ARHGAP20: variants seen among roughly 807,000 people sequenced by gnomAD.
The protein encoded by ARHGAP20 is rho GTPase-activating protein 20.
In ARHGAP20, 34 loss-of-function variants were observed where a neutral mutation model predicts 73.7. That is an observed-to-expected ratio of 0.46 (90% CI 0.35 to 0.61). The LOEUF is 0.61. Among genes scored for constraint, ARHGAP20 ranks in the 20% least tolerant of loss-of-function variants. The pLI is 0.00. For missense variants in ARHGAP20, 1,314 were observed against 1,420.9 expected (o/e 0.92, Z 1.21); for synonymous variants, 523 against 518.2 (o/e 1.01, Z -0.13).
chr11:110,667,867 T>C (rs2135059896), intron 2 of ARHGAP20, among the ~76,000 whole-genome samples: 1 of 152,230 alleles, frequency 6.6e-6, no homozygotes, highest in African/African-American at 2.4e-5. Flanking sequence ...TAATTAGAAG[T>C]GGAGCCAGAA....
chr11:110,676,980 A>G (rs1178996623), intron 2 of ARHGAP20, among the ~76,000 whole-genome samples: 1 of 152,192 alleles, frequency 6.6e-6, no homozygotes, highest in Non-Finnish European at 1.5e-5. Flanking sequence ...GATTCAATGT[A>G]TAGAAATTAT....
At chr11:110,634,280 G>GT (rs960238603) in intron 2 of ARHGAP20, among the ~76,000 whole-genome samples, 6 of 152,040 alleles carry the variant, frequency 3.9e-5, no homozygotes, top group Admixed American at 2.0e-4. Flanking sequence ...AACTCTTGTT[G>GT]TTTTTTTAGC....
At position 110,685,087 on chromosome 11, in the gene ARHGAP20, C is replaced by T. The variant is rs528387450; in HGVS notation, c.188+5460G>A. Among the ~76,000 whole-genome samples, 7 of 151,884 alleles carry T rather than the reference C, an allele frequency of 4.6e-5. 1 individual carries two copies. The highest frequency in any genetic ancestry group is 2.1e-4 in the South Asian group (1 of 4,802). ...AAAATGAAGTTGAGGCTTTTATCACCGAAAAATTATATGAAACAATAAAAT... is the reference window on the plus strand; with the variant it reads ...AAAATGAAGTTGAGGCTTTTATCACTGAAAAATTATATGAAACAATAAAAT... On this transcript the variant is annotated intron_variant, in intron 2 of 14. Coordinates refer to ENST00000683387, the MANE Select transcript of ARHGAP20 (RefSeq NM_001384657.1).
chr11:110,703,738 T>G (rs1241703814), intron 1 of ARHGAP20, among the ~76,000 whole-genome samples: 2 of 152,110 alleles, frequency 1.3e-5, no homozygotes, highest in Non-Finnish European at 2.9e-5. Context: ...GTTGGCTAGA[T>G]TTTTCTTCTT....
chr11:110,669,128 ATTTAAAACTTGGCTC>A (rs1443680394), intron 2 of ARHGAP20, among the ~76,000 whole-genome samples: 1 of 152,212 alleles, frequency 6.6e-6, no homozygotes, highest in Non-Finnish European at 1.5e-5. Flanking sequence ...CTTCATTAAA[ATTTAAAACTTGGCTC>A]TTTGAAAAAC....
chr11:110,657,900 A>T (rs1333581383), intron 2 of ARHGAP20, among the ~76,000 whole-genome samples: 1 of 145,432 alleles, frequency 6.9e-6, no homozygotes. Flanking sequence ...GACAAAAAAA[A>T]AAAGAAAGAA....
rs201767119 is a variant in ARHGAP20 at position 110,594,805 on chromosome 11, C to G, written c.965-2650G>C. On this transcript the variant is annotated intron_variant, in intron 9 of 14. Transcript: ENST00000683387. Reference sequence around the variant, plus strand: ...CTCATTTTATGAGGCCAGCATCATCCTGATACCAAAGCCTGGCAGAGACAC... The same window carrying G: ...CTCATTTTATGAGGCCAGCATCATCGTGATACCAAAGCCTGGCAGAGACAC... Among the ~76,000 whole-genome samples, 71 of 149,948 alleles carry G rather than the reference C, an allele frequency of 4.7e-4. 1 individual carries two copies. In the East Asian group the frequency reaches 0.013, roughly 27 times the overall value.
intron 9 of ARHGAP20, among the ~76,000 whole-genome samples, chr11:110,606,157 C>T (rs1211470343): frequency 1.3e-5 from 2 of 152,116 alleles, no homozygotes; most frequent in East Asian, 1.9e-4. Flanking sequence ...AACTAGAATC[C>T]AGGTAGGGCA....
chr11:110,641,088 A>G (rs10891153), intron 2 of ARHGAP20, among the ~76,000 whole-genome samples: 24,686 of 152,002 alleles, frequency 0.16, 2,458 homozygotes, highest in East Asian at 0.31. Context: ...CAAGAAATAT[A>G]TAAAGGAGCA....
rs763325799 is a variant in ARHGAP20 at position 110,580,475 on chromosome 11, G to A, written c.2471C>T (p.Thr824Ile). 1 of 1,614,152 alleles carries A rather than the reference G, an allele frequency of 6.2e-7. No homozygotes were observed. Among genetic ancestry groups the A allele is most frequent in the Non-Finnish European group, 8.5e-7 (1 of 1,180,022 alleles). Reference protein sequence around the residue: ...HSKNQPFDVNTSGYSPPHTAD... With the variant: ...HSKNQPFDVNISGYSPPHTAD... ...TGTGTGTGGTGGGGAGTATCCAGAT[G>A]TATTCACATCAAAGGGCTGGTTCTT... is the stretch of plus-strand genomic sequence containing the variant. Residue 824 changes from threonine (T) to isoleucine (I), a missense_variant, in exon 15 of 15, where the codon ACA (threonine) becomes ATA (isoleucine). This residue lies in a region of ARHGAP20 where 641 missense variants were observed against 636.9 expected (regional missense o/e 1.01). Coordinates refer to ENST00000683387, the MANE Select transcript of ARHGAP20 (RefSeq NM_001384657.1).
intron 2 of ARHGAP20, among the ~76,000 whole-genome samples, chr11:110,681,660 A>C (rs531782746): frequency 9.2e-5 from 14 of 152,324 alleles, no homozygotes; most frequent in African/African-American, 3.4e-4. Flanking sequence ...CAGAGGAAAA[A>C]GGAAGTGGAA....
chr11:110,683,131 C>T (rs1258736495), intron 2 of ARHGAP20, among the ~76,000 whole-genome samples: 1 of 152,102 alleles, frequency 6.6e-6, no homozygotes, highest in Non-Finnish European at 1.5e-5. Flanking sequence ...AAAGTGGATA[C>T]ATTTTTGTGC....
At chr11:110,655,958 C>T (rs959544674) in intron 2 of ARHGAP20, among the ~76,000 whole-genome samples, 2 of 152,060 alleles carry the variant, frequency 1.3e-5, no homozygotes, top group African/African-American at 2.4e-5. Flanking sequence ...TTTTCTCATA[C>T]GAGACATGAG....
chr11:110,651,988 A>G (rs1949366302), intron 2 of ARHGAP20, among the ~76,000 whole-genome samples: 1 of 152,144 alleles, frequency 6.6e-6, no homozygotes, highest in Admixed American at 6.5e-5. Context: ...AAGAATCTTC[A>G]ATAAAATGCT....
At chr11:110,649,199 A>AC in intron 2 of ARHGAP20, among the ~76,000 whole-genome samples, 1 of 140,438 alleles carries the variant, frequency 7.1e-6, no homozygotes, top group East Asian at 2.1e-4. Context: ...CAATTATTAA[A>AC]CCTTTTTTTT....
chr11:110,677,504 G>A (rs1203457060), intron 2 of ARHGAP20, among the ~76,000 whole-genome samples: 1 of 152,010 alleles, frequency 6.6e-6, no homozygotes, highest in Admixed American at 6.6e-5. Context: ...AATTAGCCAG[G>A]TGTGGTGGTA....
At chr11:110,609,114 C>A in intron 7 of ARHGAP20, 64 bp from the exon 8 acceptor site, 1 of 1,416,688 alleles carries the variant, frequency 7.1e-7, no homozygotes, top group Non-Finnish European at 9.8e-7. Context: ...AATGAGGACA[C>A]ATTTTTTTTT....
intron 2 of ARHGAP20, among the ~76,000 whole-genome samples, chr11:110,659,718 G>T (rs560310627): frequency 2.0e-5 from 3 of 151,968 alleles, no homozygotes; most frequent in Non-Finnish European, 4.4e-5. Flanking sequence ...GGAATACTAC[G>T]CAGCCATAAA....
In ARHGAP20 at chr11:110,618,278, T is replaced by C. The variant is rs572798273; in HGVS notation, c.504-2684A>G. 2.0e-5 allele frequency among the ~76,000 whole-genome samples: 3 copies of C among 152,246 alleles called. No homozygotes were observed. The South Asian group carries it at 6.2e-4, about 32-fold the overall frequency. On this transcript the variant is annotated intron_variant, in intron 4 of 14. Transcript: ENST00000683387. ...TACCTTACAAAAACAGCAGTTCCAG[T>C]AAAGAAGAAAATCTGATTTCCTACC...
Sources: gnomAD v4.1 joint callset for allele counts (sites outside exome capture counted in the v4.1 genomes callset) on GRCh38, gnomAD v4.1.1 for gene constraint, gnomAD v4.1.1 regional missense constraint, MANE v1.5 for transcripts, NCBI Gene and HGNC (gene_info 2026-07-23, HGNC 2026-07-21) for gene names.